Variants in PDE4B observed in about 807,000 individuals in gnomAD.
PDE4B encodes the protein phosphodiesterase 4B, also known as 3',5'-cyclic-AMP phosphodiesterase 4B.
Under a neutral mutation model 82.2 loss-of-function variants are expected in PDE4B, and 20 were observed. The observed-to-expected ratio is 0.24, with a 90% CI of 0.17 to 0.35. The LOEUF (loss-of-function observed/expected upper bound fraction) is 0.35, where lower values mean the gene tolerates loss of function less well. PDE4B is among the 10% of genes least tolerant of loss of function. PDE4B has a pLI of 1.00. For synonymous variants in PDE4B, 320 were observed against 318.9 expected (o/e 1.00, Z -0.04); for missense variants, 655 against 907.2 (o/e 0.72, Z 3.57).
chr1:65,834,043 C>A (rs1181108915), intron 1 of PDE4B, among the ~76,000 whole-genome samples: 1 of 151,980 alleles, frequency 6.6e-6, no homozygotes, highest in African/African-American at 2.4e-5. Flanking sequence ...AAGTTTCTTT[C>A]TTTCGTTCTC....
intron 3 of PDE4B, among the ~76,000 whole-genome samples, chr1:66,080,506 G>C (rs72920231): frequency 1.3e-3 from 192 of 152,130 alleles, no homozygotes; most frequent in African/African-American, 4.5e-3. Context: ...CATTAGCAAA[G>C]GTTTTACTGT....
At chr1:66,354,373 G>T in intron 8 of PDE4B, 1 of 985,836 alleles carries the variant, frequency 1.0e-6, no homozygotes, top group Non-Finnish European at 1.2e-6. Flanking sequence ...TATTCATGGG[G>T]CTTCCTCCAT....
chr1:66,333,304 G>A (rs1313510421), intron 8 of PDE4B, among the ~76,000 whole-genome samples: 1 of 152,184 alleles, frequency 6.6e-6, no homozygotes, highest in Non-Finnish European at 1.5e-5. Flanking sequence ...ATGTTGAAGA[G>A]CCTTAATTAT....
At chr1:66,118,388 G>C (rs1024393649) in intron 3 of PDE4B, among the ~76,000 whole-genome samples, 1 of 152,144 alleles carries the variant, frequency 6.6e-6, no homozygotes, top group Non-Finnish European at 1.5e-5. Flanking sequence ...ATACTATGCA[G>C]CCATAAAAAA....
At chr1:66,371,120 A>ATATATATG (rs1553178166) in intron 16 of PDE4B, among the ~76,000 whole-genome samples, 1 of 131,248 alleles carries the variant, frequency 7.6e-6, no homozygotes, top group African/African-American at 3.1e-5. Flanking sequence ...ATATATATAT[A>ATATATATG]TATATATATA....
At chr1:66,241,201 G>A (rs1261703679) in intron 3 of PDE4B, among the ~76,000 whole-genome samples, 1 of 152,256 alleles carries the variant, frequency 6.6e-6, no homozygotes, top group Non-Finnish European at 1.5e-5. Context: ...TGCTGTAGCT[G>A]TGGCCAGAGG....
At chr1:65,998,664 G>T (rs1421266550) in intron 3 of PDE4B, among the ~76,000 whole-genome samples, 1 of 152,104 alleles carries the variant, frequency 6.6e-6, no homozygotes, top group Non-Finnish European at 1.5e-5. Context: ...TGGGAGGAAA[G>T]CATGTGAACT....
intron 3 of PDE4B, among the ~76,000 whole-genome samples, chr1:66,167,532 T>G (rs1646758819): frequency 6.6e-6 from 1 of 152,104 alleles, no homozygotes; most frequent in African/African-American, 2.4e-5. Context: ...GTGATGAACA[T>G]GGGGTGATAG....
intron 3 of PDE4B, among the ~76,000 whole-genome samples, chr1:65,971,534 A>G (rs189969824): frequency 3.3e-4 from 50 of 152,302 alleles, no homozygotes; most frequent in African/African-American, 1.2e-3. Context: ...TATGACTTTA[A>G]TAAAAAACCC....
intron 3 of PDE4B, among the ~76,000 whole-genome samples, chr1:65,942,041 G>A (rs1467410887): frequency 6.6e-6 from 1 of 152,042 alleles, no homozygotes; most frequent in Non-Finnish European, 1.5e-5. Flanking sequence ...TTTGTCCAAA[G>A]CTGTGTAATG....
chr1:66,083,753 C>G (rs977212833), intron 3 of PDE4B, among the ~76,000 whole-genome samples: 2 of 152,164 alleles, frequency 1.3e-5, no homozygotes, highest in Non-Finnish European at 2.9e-5. Flanking sequence ...TTTGGAAAAT[C>G]ACTAACTCTT....
intron 1 of PDE4B, among the ~76,000 whole-genome samples, chr1:65,907,307 A>G (rs955936511): frequency 3.3e-5 from 5 of 152,074 alleles, no homozygotes; most frequent in African/African-American, 1.2e-4. Context: ...TCAAATTCTG[A>G]TATGTTTATC....
chr1:66,297,559 G>A (rs535697996), intron 7 of PDE4B, among the ~76,000 whole-genome samples: 4 of 152,102 alleles, frequency 2.6e-5, no homozygotes, highest in East Asian at 1.9e-4. Context: ...TCAAGAGAGC[G>A]GTTTTACCTT....
intron 3 of PDE4B, among the ~76,000 whole-genome samples, chr1:66,038,633 G>T (rs1654191609): frequency 6.6e-6 from 1 of 152,082 alleles, no homozygotes; most frequent in Admixed American, 6.6e-5. Context: ...GGGGAAGCGG[G>T]TCACAGTTTA....
chr1:66,360,882 C>G (rs1407986257), intron 9 of PDE4B: 9 of 151,824 alleles, frequency 5.9e-5, no homozygotes, highest in Non-Finnish European at 8.8e-5. Context: ...TATTTAATAA[C>G]CTTAAACATG....
intron 3 of PDE4B, among the ~76,000 whole-genome samples, chr1:65,940,973 A>G (rs1250966657): frequency 6.6e-6 from 1 of 151,846 alleles, no homozygotes; most frequent in Non-Finnish European, 1.5e-5. Flanking sequence ...TACCCACCAT[A>G]TAGATTTAAC....
chr1:65,804,685 A>C (rs901632722), intron 1 of PDE4B, among the ~76,000 whole-genome samples: 1 of 152,076 alleles, frequency 6.6e-6, no homozygotes, highest in African/African-American at 2.4e-5. Flanking sequence ...TCATTTTCCA[A>C]ATGGATAATT....
At chr1:66,224,099 A>G (rs965052010) in intron 3 of PDE4B, among the ~76,000 whole-genome samples, 2 of 152,118 alleles carry the variant, frequency 1.3e-5, no homozygotes, top group African/African-American at 4.8e-5. Flanking sequence ...CAAAATCTTG[A>G]TGTCAAGCAT....
chr1:65,926,098 C>G (rs891369147), intron 3 of PDE4B, among the ~76,000 whole-genome samples: 1 of 152,132 alleles, frequency 6.6e-6, no homozygotes, highest in South Asian at 2.1e-4. Flanking sequence ...TTACAGTTCC[C>G]CCTTGACCCT....
Sources: gnomAD v4.1 joint callset for allele counts (sites outside exome capture counted in the v4.1 genomes callset) on GRCh38, gnomAD v4.1.1 for gene constraint, MANE v1.5 for transcripts, NCBI Gene and HGNC (gene_info 2026-07-23, HGNC 2026-07-21) for gene names.